COL17A1: variants seen among roughly 807,000 people sequenced by gnomAD.
The protein encoded by COL17A1 is collagen alpha-1(XVII) chain.
Under a neutral mutation model 218.4 loss-of-function variants are expected in COL17A1, and 181 were observed. The ratio of observed to expected loss-of-function variants is 0.83; its 90% CI spans 0.73 to 0.94. The LOEUF (loss-of-function observed/expected upper bound fraction) is 0.94. Ranked by LOEUF, COL17A1 falls within the 40% of genes least tolerant of loss-of-function variation. The pLI is 0.00. For synonymous variants in COL17A1, 721 were observed against 731.0 expected, an observed-to-expected ratio of 0.99 and a Z score of 0.22; for missense variants, 1,924 against 1,945.9, an observed-to-expected ratio of 0.99 and a Z score of 0.21.
intron 20 of COL17A1, among the ~76,000 whole-genome samples, chr10:104,054,320 TGAA>T (rs1215224091): frequency 6.6e-6 from 1 of 152,238 alleles, no homozygotes; most frequent in African/African-American, 2.4e-5. Flanking sequence ...CAAGTTATAG[TGAA>T]AAATTATTTG....
intron 9 of COL17A1, among the ~76,000 whole-genome samples, chr10:104,066,844 T>C (rs970187643): frequency 6.6e-6 from 1 of 152,258 alleles, no homozygotes. Context: ...ATGTCTAATA[T>C]GTACCCTCTT....
At chr10:104,080,903 G>C (rs933540124) in intron 1 of COL17A1, among the ~76,000 whole-genome samples, 7 of 152,090 alleles carry the variant, frequency 4.6e-5, no homozygotes, top group Non-Finnish European at 1.0e-4. Flanking sequence ...CTTTGTGCTG[G>C]GATCTTGTTT....
Position 104,040,402 on chromosome 10 carries a change from G to A in COL17A1, c.2710C>T (p.Leu904Phe), listed in dbSNP as rs748333991. Reference sequence around the variant, plus strand: ...CCAGGTGGGCCTGGGGGGCCGGAGAGGAAGGTTTCTGCAGAGGAAGGAAAT... The same window carrying A: ...CCAGGTGGGCCTGGGGGGCCGGAGAAGAAGGTTTCTGCAGAGGAAGGAAAT... Reference protein sequence around the residue: ...GSFLSNSETFLSGPPGPPGPP... With the variant: ...GSFLSNSETFFSGPPGPPGPP... Residue 904 changes from leucine (L) to phenylalanine (F), a missense_variant, in exon 40 of 56, where the codon CTC (leucine) becomes TTC (phenylalanine). By Grantham distance (22) the Leu-to-Phe change is conservative. Transcript: ENST00000648076. The A allele has an allele frequency of 3.1e-6, 5 of 1,609,174 alleles. No homozygotes were observed. The South Asian group carries it at 4.4e-5, about 14-fold the overall frequency.
intron 10 of COL17A1, 80 bp from the exon 11 acceptor site, chr10:104,063,898 C>G: frequency 6.3e-7 from 1 of 1,591,540 alleles, no homozygotes; most frequent in East Asian, 2.2e-5. Flanking sequence ...ACAGAAGCAC[C>G]AGAAGAAATG....
intron 46 of COL17A1, among the ~76,000 whole-genome samples, 188 bp from the exon 47 acceptor site, chr10:104,037,301 T>TG (rs1554847251): frequency 3.3e-5 from 5 of 150,830 alleles, no homozygotes; most frequent in African/African-American, 1.2e-4. Flanking sequence ...TTTTTTTTTT[T>TG]GTAAGAAAGG....
intron 52 of COL17A1, 23 bp from the exon 53 acceptor site, chr10:104,033,398 C>T: frequency 6.2e-7 from 1 of 1,607,912 alleles, no homozygotes; most frequent in South Asian, 1.1e-5. Flanking sequence ...AGAGCTTGGG[C>T]ACAGGAAGCA....
At chr10:104,076,245 A>C in intron 5 of COL17A1, 56 bp downstream of exon 5, 2 of 1,611,892 alleles carry the variant, frequency 1.2e-6, no homozygotes, top group Non-Finnish European at 1.7e-6. Flanking sequence ...TCAAAGAATG[A>C]GTGAAGTTGC....
chr10:104,051,009 C>T lies in COL17A1; in HGVS notation c.2039-108G>A. The T allele has an allele frequency of 1.9e-6, 3 of 1,560,418 alleles. No individual in the cohort carries two copies. The highest frequency in any genetic ancestry group is 2.3e-5 in the South Asian group (2 of 87,416). On this transcript the variant is annotated intron_variant, in intron 25 of 55. Transcript: ENST00000648076. Reference sequence around the variant, plus strand: ...ATACAGGCACACATATGCACACACCCTATAGTAAAAGTCAAAGGATGCTTT... The same window carrying T: ...ATACAGGCACACATATGCACACACCTTATAGTAAAAGTCAAAGGATGCTTT...
rs992478020 is a variant in COL17A1 at position 104,055,886 on chromosome 10, G to T, written c.1583C>A (p.Ala528Glu). ...RIEKDRLQGMAPAAGADLDKI... is the reference protein window; with the variant it reads ...RIEKDRLQGMEPAAGADLDKI... ...GTCCAGGTCTGCTCCCGCCGCGGGTGCCATGCCCTGGAGGCGGTCCTTTTC... is the reference window on the plus strand; with the variant it reads ...GTCCAGGTCTGCTCCCGCCGCGGGTTCCATGCCCTGGAGGCGGTCCTTTTC... The change falls in exon 18 of 56, where the codon GCA becomes GAA. Residue 528 changes from alanine (A) to glutamate (E), a missense_variant. Coordinates refer to ENST00000648076, the MANE Select transcript of COL17A1 (RefSeq NM_000494.4). 6.2e-7 allele frequency: 1 copy of T among 1,614,224 alleles called. No homozygotes were observed. Among genetic ancestry groups the T allele is most frequent in the South Asian group, 1.1e-5 (1 of 91,086 alleles).
chr10:104,033,006 T>C (rs1322195835), intron 53 of COL17A1, 38 bp from the exon 54 acceptor site: 1 of 1,605,550 alleles, frequency 6.2e-7, no homozygotes, highest in Admixed American at 1.7e-5. Context: ...AGAGTCTTGA[T>C]CACCTGGAAG....
At chr10:104,066,285 C>G (rs2086625603) in intron 9 of COL17A1, among the ~76,000 whole-genome samples, 1 of 152,228 alleles carries the variant, frequency 6.6e-6, no homozygotes, top group Non-Finnish European at 1.5e-5. Flanking sequence ...AAGACACCCT[C>G]TAACATTCTC....
intron 29 of COL17A1, chr10:104,048,308 G>T: frequency 1.4e-6 from 1 of 730,460 alleles, no homozygotes; most frequent in East Asian, 2.5e-5. Flanking sequence ...CTCTTTTCCT[G>T]TTGAGAATTG....
intron 52 of COL17A1, 151 bp downstream of exon 52, chr10:104,033,794 T>C: frequency 8.1e-7 from 1 of 1,233,242 alleles, no homozygotes. Flanking sequence ...CTGAGTAGGC[T>C]GAGAGCTAGG....
intron 1 of COL17A1, among the ~76,000 whole-genome samples, chr10:104,085,416 A>G (rs527659535): frequency 1.3e-5 from 2 of 152,354 alleles, no homozygotes; most frequent in Non-Finnish European, 2.9e-5. Context: ...CATATTCTAA[A>G]TAAAACAACA....
intron 15 of COL17A1, among the ~76,000 whole-genome samples, chr10:104,058,945 A>T (rs1029135433): frequency 1.3e-5 from 2 of 151,930 alleles, no homozygotes; most frequent in Non-Finnish European, 2.9e-5. Context: ...AAAAAAAAAA[A>T]ACAAAAAAAG....
intron 16 of COL17A1, 103 bp from the exon 17 acceptor site, chr10:104,057,275 T>TG: frequency 6.3e-7 from 1 of 1,584,206 alleles, no homozygotes; most frequent in Non-Finnish European, 8.6e-7. Context: ...TGACTACGAC[T>TG]GGGGGCTTTC....
Position 104,050,482 on chromosome 10 carries a change from T to C in COL17A1, c.2128+139A>G, listed in dbSNP as rs1020026721. 32 of 1,421,152 alleles carry C rather than the reference T, an allele frequency of 2.3e-5. No homozygotes were observed. The African/African-American group carries it at 3.0e-4, about 13-fold the overall frequency. The allele number at this position is 1,421,152 out of a possible 1,614,324, so 88.0% of individuals were successfully genotyped here. ...TGTTTCCCTTCTTTGTGCCTCAGTTTCCCTATCTGAGAGGTTGGATTAGAA... is the reference window on the plus strand; with the variant it reads ...TGTTTCCCTTCTTTGTGCCTCAGTTCCCCTATCTGAGAGGTTGGATTAGAA... On this transcript the variant is annotated intron_variant, in intron 27 of 55. Transcript: ENST00000648076.
rs1265467334 is a variant in COL17A1, at chr10:104,055,018, A to G, written c.1718-11T>C. On this transcript the variant is annotated splice_polypyrimidine_tract_variant and intron_variant, in intron 19 of 55. Transcript: ENST00000648076. ...GACTTCCCATGTCACCTGAAACCAG[A>G]AAGATATGAAAACTGTGAGATGGGG... The G allele has an allele frequency of 6.2e-7, 1 of 1,614,146 alleles. No individual in the cohort carries two copies. Among genetic ancestry groups the G allele is most frequent in the East Asian group, 2.2e-5 (1 of 44,884 alleles).
intron 8 of COL17A1, 54 bp from the exon 9 acceptor site, chr10:104,070,623 C>T: frequency 1.2e-6 from 2 of 1,613,600 alleles, no homozygotes; most frequent in South Asian, 1.1e-5. Flanking sequence ...TTCCTGAGTC[C>T]CTGTGCAACT....
Sources: allele counts gnomAD v4.1 joint callset (sites outside exome capture counted in the v4.1 genomes callset), GRCh38; gene constraint gnomAD v4.1.1; transcripts MANE v1.5; gene names NCBI Gene and HGNC (gene_info 2026-07-23, HGNC 2026-07-21).